The following MDN1 variants were observed in gnomAD, a reference collection of about 807,000 sequenced individuals.
The protein encoded by MDN1 is midasin.
In MDN1, 266 loss-of-function variants were observed where a neutral mutation model predicts 669.2. The ratio of observed to expected loss-of-function variants is 0.40; its 90% CI spans 0.36 to 0.44. MDN1 has a LOEUF of 0.44. MDN1 is among the 20% of genes least tolerant of loss of function. The probability of loss-of-function intolerance (pLI) is 1.00; values close to 1 mark genes in which losing one functional copy is unlikely to be tolerated. For synonymous variants in MDN1, 2,385 were observed against 2,457.1 expected (o/e 0.97, Z 0.87); for missense variants, 5,940 against 6,754.0 (o/e 0.88, Z 4.22).
chr6:89,681,937 CCA>C (rs1317299410), intron 73 of MDN1, among the ~76,000 whole-genome samples: 1 of 152,138 alleles, frequency 6.6e-6, no homozygotes, highest in Non-Finnish European at 1.5e-5. Context: ...CAGCCGTGAG[CCA>C]CTACGCCTGC....
intron 80 of MDN1, 56 bp from the exon 81 acceptor site, chr6:89,672,758 C>G: frequency 6.4e-7 from 1 of 1,557,136 alleles, no homozygotes; most frequent in Non-Finnish European, 8.7e-7. Flanking sequence ...CAATCATTTG[C>G]TTTAGTGCCT....
In MDN1 at chr6:89,643,814, C is replaced by G. The variant is rs566719859; in HGVS notation, c.*191G>C. Reference sequence around the variant, plus strand: ...CGAGTTCAGGCACCTGCTGCTGCTTCCAGGTTTGGTATAAAAACCTCAGCC... The same window carrying G: ...CGAGTTCAGGCACCTGCTGCTGCTTGCAGGTTTGGTATAAAAACCTCAGCC... On this transcript the variant is annotated 3_prime_UTR_variant, in exon 102 of 102. Transcript: ENST00000369393. 3 of 485,732 alleles carry G rather than the reference C, an allele frequency of 6.2e-6. No individual in the cohort carries two copies. Among genetic ancestry groups the G allele is most frequent in the Non-Finnish European group, 1.1e-5 (3 of 281,714 alleles). 30.1% of individuals were successfully genotyped at this position (485,732 alleles called of 1,614,324 possible). A position where few individuals can be genotyped will look rare whatever the true frequency, so the allele number is the denominator to read the frequency against.
chr6:89,688,910 C>T (rs1182241201), intron 65 of MDN1, 102 bp from the exon 66 acceptor site: 3 of 943,322 alleles, frequency 3.2e-6, no homozygotes, highest in East Asian at 2.6e-5. Flanking sequence ...TGGCTCATGT[C>T]TGTAATCCCA....
In MDN1 at chr6:89,745,148, AAAAAG is replaced by A. The variant is rs1420476917; in HGVS notation, c.4178+120_4178+124del. On this transcript the variant is annotated intron_variant, in intron 29 of 101. Coordinates refer to ENST00000369393, the MANE Select transcript of MDN1 (RefSeq NM_014611.3). ...TAGTCTCTTCTTAAAAAAAAAAAAAAAAAAGAAAAAAGAGGAAGGAGGAAAGAAGG... is the reference window on the plus strand; with the variant it reads ...TAGTCTCTTCTTAAAAAAAAAAAAAAAAAAAAGAGGAAGGAGGAAAGAAGG... The A allele has an allele frequency of 8.9e-6, 9 of 1,014,514 alleles. No homozygotes were observed. In the East Asian group the frequency reaches 1.5e-4, roughly 17 times the overall value. 62.8% of individuals were successfully genotyped at this position (1,014,514 alleles called of 1,614,324 possible). A position where few individuals can be genotyped will look rare whatever the true frequency, so the allele number is the denominator to read the frequency against.
chr6:89,802,808 T>A (rs548214895), intron 2 of MDN1, among the ~76,000 whole-genome samples: 29 of 152,348 alleles, frequency 1.9e-4, no homozygotes, highest in Non-Finnish European at 4.0e-4. Flanking sequence ...AGTTTTGCTG[T>A]CTCTTTTGAT....
chr6:89,815,134 T>A, intron 1 of MDN1: 1 of 390,420 alleles, frequency 2.6e-6, no homozygotes, highest in Non-Finnish European at 5.0e-6. Flanking sequence ...ACCACTCAGC[T>A]ACAGACCCCT....
chr6:89,729,127 T>C lies in MDN1; in HGVS notation c.5153A>G (p.His1718Arg). ...PFFIPRGPVL[H>R]RNNIADYALS... is the part of the protein sequence containing the mutation. ...TGCATAGTCTGCAATATTATTCCTG[T>C]GTAGGACAGGTCCTTAAGTGGAGAA... Residue 1718 changes from histidine to arginine, a missense_variant, in exon 36 of 102, where the codon CAC becomes CGC. By Grantham distance (29) the His-to-Arg change is conservative. Around this residue, in one of 5 missense-constraint regions of MDN1, gnomAD observed 2,292 missense variants for 2,638.3 expected, o/e 0.87. Transcript: ENST00000369393. The C allele has an allele frequency of 6.2e-7, 1 of 1,612,868 alleles. No individual in the cohort carries two copies. The highest frequency in any genetic ancestry group is 2.2e-5 in the East Asian group (1 of 44,866).
intron 7 of MDN1, among the ~76,000 whole-genome samples, chr6:89,789,010 G>A (rs1182414874): frequency 6.6e-6 from 1 of 152,126 alleles, no homozygotes; most frequent in Non-Finnish European, 1.5e-5. Context: ...TGTAATCCCA[G>A]CTACTCAGGA....
At position 89,677,636 on chromosome 6, in the gene MDN1, T is replaced by C; in HGVS notation, c.12473A>G (p.His4158Arg). 4.3e-6 allele frequency: 7 copies of C among 1,614,166 alleles called. No individual in the cohort carries two copies. Among genetic ancestry groups the C allele is most frequent in the Non-Finnish European group, 5.9e-6 (7 of 1,180,018 alleles). ...GCTCTGGAGATCTAATGGGTGAAGATGAAGCATCTCTTGAGGGTTTTTTGA... is the reference window on the plus strand; with the variant it reads ...GCTCTGGAGATCTAATGGGTGAAGACGAAGCATCTCTTGAGGGTTTTTTGA... ...ARSKNPQEML[H>R]LHPLDLQSAL... is the part of the protein sequence containing the mutation. Residue 4158 changes from histidine to arginine, a missense_variant, in exon 76 of 102, where the codon CAT becomes CGT. Around this residue, in one of 5 missense-constraint regions of MDN1, gnomAD observed 2,280 missense variants for 2,576.3 expected, o/e 0.88. Transcript: ENST00000369393.
At chr6:89,753,813 C>T (rs1817087945) in intron 21 of MDN1, among the ~76,000 whole-genome samples, 191 bp from the exon 22 acceptor site, 1 of 151,900 alleles carries the variant, frequency 6.6e-6, no homozygotes, top group Non-Finnish European at 1.5e-5. Flanking sequence ...CTTTGGGAGG[C>T]CAAGGCAGGA....
chr6:89,726,482 G>GAAAAAAAAAAAAAAAAAAAGAAAAAAAA (rs201576721), intron 37 of MDN1, among the ~76,000 whole-genome samples: 2 of 90,742 alleles, frequency 2.2e-5, no homozygotes, highest in Non-Finnish European at 4.6e-5. Flanking sequence ...AAGAAAAATA[G>GAAAAAAAAAAAAAAAAAAAGAAAAAAAA]AAAAAAAAAA....
rs1812956651 is a variant in MDN1 at position 89,698,944 on chromosome 6, T to C, written c.9089A>G (p.Glu3030Gly). 4 of 1,614,136 alleles carry C rather than the reference T, an allele frequency of 2.5e-6. No homozygotes were observed. Among genetic ancestry groups the C allele is most frequent in the Middle Eastern group, 1.7e-4 (1 of 6,060 alleles). ...CAAAGGGTTCCACATTAGCCAGTAC[T>C]CTGGATTTGTGGTCACAGTACTGCT... ...FWSSTVTTNP[E>G]YWLMWNPLPG... Residue 3030 changes from glutamate (E) to glycine (G), a missense_variant, in exon 59 of 102, where the codon GAG becomes GGG. Physicochemically the swap from Glu to Gly is moderately conservative, Grantham distance 98. Transcript: ENST00000369393.
At chr6:89,792,955 G>A (rs1819359922) in intron 5 of MDN1, among the ~76,000 whole-genome samples, 1 of 152,150 alleles carries the variant, frequency 6.6e-6, no homozygotes, top group Non-Finnish European at 1.5e-5. Context: ...GGAGGGGGGA[G>A]GTTGCAGTGA....
At chr6:89,800,807 G>C (rs1767602988) in intron 2 of MDN1, among the ~76,000 whole-genome samples, 2 of 152,100 alleles carry the variant, frequency 1.3e-5, no homozygotes, top group Admixed American at 1.3e-4. Flanking sequence ...AGATACTCTT[G>C]TGGGACTGAA....
chr6:89,671,113 C>A (rs1313243021), intron 82 of MDN1, 33 bp from the exon 83 acceptor site: 4 of 1,599,330 alleles, frequency 2.5e-6, no homozygotes, highest in South Asian at 2.2e-5. Context: ...GGCCTGCTCA[C>A]ACTGCTTGGC....
rs145784792 is a variant in MDN1 at position 89,695,657 on chromosome 6, C to T, written c.9719G>A (p.Arg3240His). ...LQIQTWLPQA[R>H]FDPAVKREYK... ...CTCCCTCTTCACCGCAGGGTCAAAGCGTGCCTGGGGAAGCCATGTCTGAAT... is the reference window on the plus strand; with the variant it reads ...CTCCCTCTTCACCGCAGGGTCAAAGTGTGCCTGGGGAAGCCATGTCTGAAT... Residue 3240 changes from arginine (R) to histidine (H), a missense_variant, in exon 61 of 102, where the codon CGC (arginine) becomes CAC (histidine). This residue lies in a region of MDN1 where 2,292 missense variants were observed against 2,638.3 expected (regional missense o/e 0.87). Coordinates refer to ENST00000369393, the MANE Select transcript of MDN1 (RefSeq NM_014611.3). The surrounding 1 kb of genome is among the most constrained non-coding windows in gnomAD (Gnocchi z 4.1). 5.0e-6 allele frequency: 8 copies of T among 1,612,524 alleles called. No individual in the cohort carries two copies. Among genetic ancestry groups the T allele is most frequent in the Admixed American group, 1.7e-5 (1 of 59,992 alleles).
rs1554190743 is a variant in MDN1 at position 89,745,148 on chromosome 6, A to AG, written c.4178+124_4178+125insC. ...TAGTCTCTTCTTAAAAAAAAAAAAA[A>AG]AAAAGAAAAAAGAGGAAGGAGGAAA... On this transcript the variant is annotated intron_variant, in intron 29 of 101. Transcript: ENST00000369393. The AG allele has an allele frequency of 5.0e-5, 51 of 1,014,512 alleles. No homozygotes were observed. In the African/African-American group the frequency reaches 6.1e-4, roughly 12 times the overall value. The allele number at this position is 1,014,512 out of a possible 1,614,324, so 62.8% of individuals were successfully genotyped here.
At position 89,687,277 on chromosome 6, in the gene MDN1, A is replaced by T. The variant is rs528345151; in HGVS notation, c.11450+67T>A. The T allele has an allele frequency of 7.2e-4, 1,043 of 1,441,278 alleles. 3 individuals are homozygous for T. The highest frequency in any genetic ancestry group is 7.1e-4 in the Non-Finnish European group (737 of 1,045,066). The allele number at this position is 1,441,278 out of a possible 1,614,324, so 89.3% of individuals were successfully genotyped here. A position where few individuals can be genotyped will look rare whatever the true frequency, so the allele number is the denominator to read the frequency against. On this transcript the variant is annotated intron_variant, in intron 68 of 101. Transcript: ENST00000369393. ...GTAATACTATATAAATCCTAAAGAA[A>T]TTTAAACTACCAAAAGACAAAAGCC...
intron 48 of MDN1, 108 bp from the exon 49 acceptor site, chr6:89,712,364 G>A: frequency 1.8e-6 from 2 of 1,120,452 alleles, no homozygotes; most frequent in Non-Finnish European, 2.6e-6. Context: ...AGGTAAGAGA[G>A]AAAAGGAGAG....
Sources: gnomAD v4.1 joint callset for allele counts (sites outside exome capture counted in the v4.1 genomes callset) on GRCh38, gnomAD v4.1.1 for gene constraint, gnomAD v4.1.1 regional missense constraint, Gnocchi (gnomAD v3.1) non-coding constraint, MANE v1.5 for transcripts, NCBI Gene and HGNC (gene_info 2026-07-23, HGNC 2026-07-21) for gene names.